STARD13: variants seen among roughly 807,000 people sequenced by gnomAD.
STARD13 encodes StAR related lipid transfer domain containing 13.
Under a neutral mutation model 106.4 loss-of-function variants are expected in STARD13, and 62 were observed. That is an observed-to-expected ratio of 0.58 (90% CI 0.48 to 0.72). STARD13 has a LOEUF of 0.72. Ranked by LOEUF, STARD13 falls within the 30% of genes least tolerant of loss-of-function variation. STARD13 has a pLI of 0.00. For synonymous variants in STARD13, 565 were observed against 553.0 expected (o/e 1.02, Z -0.31); for missense variants, 1,387 against 1,424.0 (o/e 0.97, Z 0.42).
the STARD13 span, among the ~76,000 whole-genome samples, chr13:33,499,583 TTCTTCTTCTTC>T: frequency 1.4e-5 from 1 of 69,202 alleles, no homozygotes; most frequent in African/African-American, 5.3e-5. Context: ...CTTCTTCTTC[TTCTTCTTCTTC>T]TTCTTCTTCT....
At chr13:33,551,615 T>TTTTTTTTTTG in the STARD13 span, among the ~76,000 whole-genome samples, 1 of 115,924 alleles carries the variant, frequency 8.6e-6, no homozygotes, top group Non-Finnish European at 1.7e-5. Flanking sequence ...TTTTTTTTTT[T>TTTTTTTTTTG]TGAGTTGGAG....
intron 1 of STARD13, among the ~76,000 whole-genome samples, chr13:33,241,962 C>G (rs904340770): frequency 2.0e-5 from 3 of 152,216 alleles, no homozygotes; most frequent in Non-Finnish European, 4.4e-5. Context: ...CGGCCGCCAC[C>G]CCGTCTGGGA....
chr13:33,438,989 A>C, the STARD13 span, among the ~76,000 whole-genome samples: 1 of 152,322 alleles, frequency 6.6e-6, no homozygotes, highest in African/African-American at 2.4e-5. Flanking sequence ...CGCTATCTAC[A>C]AGATATGAAG....
chr13:33,499,579 CTT>C, the STARD13 span, among the ~76,000 whole-genome samples: 3 of 69,504 alleles, frequency 4.3e-5, no homozygotes, highest in African/African-American at 1.6e-4. Context: ...TCTTCTTCTT[CTT>C]CTTCTTCTTC....
chr13:33,658,431 T>C, the STARD13 span: 1 of 152,258 alleles, frequency 6.6e-6, no homozygotes, highest in African/African-American at 2.4e-5. Context: ...CAAAATGTTT[T>C]TGTTGCTATA....
At chr13:33,309,983 G>T (rs143967810) in intron 1 of STARD13, among the ~76,000 whole-genome samples, 6 of 152,176 alleles carry the variant, frequency 3.9e-5, no homozygotes, top group Admixed American at 2.6e-4. Context: ...CAACTTTTAT[G>T]TAGGGTCTAT....
At chr13:33,431,152 G>T in the STARD13 span, among the ~76,000 whole-genome samples, 2 of 152,064 alleles carry the variant, frequency 1.3e-5, no homozygotes, top group African/African-American at 4.8e-5. Flanking sequence ...CAAATTATAT[G>T]AATGTATTAA....
the STARD13 span, among the ~76,000 whole-genome samples, chr13:33,575,342 A>T: frequency 6.6e-6 from 1 of 152,058 alleles, no homozygotes; most frequent in Non-Finnish European, 1.5e-5. Context: ...ATTTTACCAT[A>T]TAAATGACTT....
At chr13:33,382,226 C>T in the STARD13 span, among the ~76,000 whole-genome samples, 1 of 152,250 alleles carries the variant, frequency 6.6e-6, no homozygotes, top group East Asian at 1.9e-4. Flanking sequence ...TAATTTCTTT[C>T]GAGCAAATTA....
intron 1 of STARD13, chr13:33,276,718 T>G (rs1270159474): frequency 6.6e-6 from 1 of 152,190 alleles, no homozygotes; most frequent in African/African-American, 2.4e-5. Flanking sequence ...GAATGCCTAC[T>G]TCAGCTCGAA....
At chr13:33,264,879 C>T (rs1039036316) in intron 1 of STARD13, among the ~76,000 whole-genome samples, 3 of 152,138 alleles carry the variant, frequency 2.0e-5, no homozygotes, top group Non-Finnish European at 4.4e-5. Context: ...CCATCTTGAC[C>T]CCTAGAGACA....
intron 1 of STARD13, among the ~76,000 whole-genome samples, chr13:33,307,357 T>C (rs923966233): frequency 2.6e-5 from 4 of 152,152 alleles, no homozygotes; most frequent in Non-Finnish European, 5.9e-5. Flanking sequence ...GATACATGCA[T>C]GTGTATGTTC....
At chr13:33,599,316 C>T in the STARD13 span, among the ~76,000 whole-genome samples, 1 of 152,144 alleles carries the variant, frequency 6.6e-6, no homozygotes, top group African/African-American at 2.4e-5. Flanking sequence ...TCAGAGGCTT[C>T]CAAAGAATAC....
the STARD13 span, among the ~76,000 whole-genome samples, chr13:33,465,033 C>T: frequency 6.6e-6 from 1 of 152,106 alleles, no homozygotes; most frequent in Non-Finnish European, 1.5e-5. Context: ...TCCTTCAGTT[C>T]ATATAGCCAA....
chr13:33,121,136 C>T (rs1566540541), intron 7 of STARD13, among the ~76,000 whole-genome samples: 1 of 152,214 alleles, frequency 6.6e-6, no homozygotes, highest in African/African-American at 2.4e-5. Flanking sequence ...CTGTGGAAAG[C>T]CACTGGGCAC....
At chr13:33,641,415 A>G in the STARD13 span, among the ~76,000 whole-genome samples, 11 of 152,130 alleles carry the variant, frequency 7.2e-5, no homozygotes, top group African/African-American at 2.4e-4. Flanking sequence ...GTTTTTACAC[A>G]GAAAGGTGGA....
At chr13:33,242,180 C>T (rs529496476) in intron 1 of STARD13, among the ~76,000 whole-genome samples, 28 of 152,302 alleles carry the variant, frequency 1.8e-4, no homozygotes, top group African/African-American at 6.7e-4. Flanking sequence ...AGGAGCCCCT[C>T]CGCCCAGCAG....
the STARD13 span, among the ~76,000 whole-genome samples, chr13:33,473,888 A>G: frequency 2.0e-5 from 3 of 152,118 alleles, no homozygotes; most frequent in Non-Finnish European, 4.4e-5. Context: ...GGAAATTCCA[A>G]AGGAATTTCT....
chr13:33,499,604 T>TTCTTTCTTCTTCTTCTTCTTC, the STARD13 span, among the ~76,000 whole-genome samples: 2 of 39,896 alleles, frequency 5.0e-5, no homozygotes, highest in East Asian at 7.9e-4. Flanking sequence ...CTTCTTCTTC[T>TTCTTTCTTCTTCTTCTTCTTC]TTCTTCTTCT....
Sources: allele counts gnomAD v4.1 joint callset (sites outside exome capture counted in the v4.1 genomes callset), GRCh38; gene constraint gnomAD v4.1.1; transcripts MANE v1.5; gene names NCBI Gene and HGNC (gene_info 2026-07-23, HGNC 2026-07-21).